MGST1: variants seen among roughly 807,000 people sequenced by gnomAD.
MGST1 encodes the protein glutathione S-transferase 12.
In MGST1, 5 loss-of-function variants were observed where a neutral mutation model predicts 8.9. The ratio of observed to expected loss-of-function variants is 0.56; its 90% confidence interval spans 0.29 to 1.19. The LOEUF (loss-of-function observed/expected upper bound fraction) is 1.19. Among genes scored for constraint, MGST1 ranks in the 50% most tolerant of loss-of-function variants. The probability of loss-of-function intolerance (pLI) is 0.08; values close to 1 mark genes in which losing one functional copy is unlikely to be tolerated. For missense variants in MGST1, 182 were observed against 187.4 expected, an observed-to-expected ratio of 0.97 and a Z score of 0.17; for synonymous variants, 54 against 67.8, an observed-to-expected ratio of 0.80 and a Z score of 1.00.
Position 16,401,201 on chromosome 12 carries a change from G to C in MGST1, n.778+17597G>C. On this transcript the variant is annotated intron_variant and non_coding_transcript_variant, in intron 1 of 1. Transcript: ENST00000359720. The surrounding 1 kb of genome is among the most constrained non-coding windows in gnomAD (Gnocchi z 4.3). The stretch of plus-strand genomic sequence containing the variant: ...GTAGCTGGGCCATCCTCATCCATAA[G>C]CACTGTGTCACTAAGGAACAGGGCA... 2 of 1,558,460 alleles carry C rather than the reference G, an allele frequency of 1.3e-6. No homozygotes were observed. Among genetic ancestry groups the C allele is most frequent in the African/African-American group, 2.7e-5 (2 of 73,818 alleles).
chr12:16,395,605 G>T (rs1940596848), intron 1 of MGST1, among the ~76,000 whole-genome samples: 1 of 149,852 alleles, frequency 6.7e-6, no homozygotes, highest in Non-Finnish European at 1.5e-5. Context: ...AAAGTCCATT[G>T]TATCATTTTT....
chr12:16,418,349 T>C (rs1940803964), intron 1 of MGST1, among the ~76,000 whole-genome samples: 1 of 152,114 alleles, frequency 6.6e-6, no homozygotes, highest in Non-Finnish European at 1.5e-5. Flanking sequence ...CCTCCAGGGA[T>C]TAGAGAAAAA....
chr12:16,510,935 C>T (rs1303088867), intron 4 of MGST1, among the ~76,000 whole-genome samples: 2 of 151,998 alleles, frequency 1.3e-5, no homozygotes, highest in Non-Finnish European at 2.9e-5. Context: ...AGAATGCTGA[C>T]ATAAGAAAAA....
chr12:16,493,093 G>T (rs929179404), intron 4 of MGST1, among the ~76,000 whole-genome samples: 1 of 152,170 alleles, frequency 6.6e-6, no homozygotes, highest in African/African-American at 2.4e-5. Context: ...GGGCAAGATT[G>T]TCTTTGAGAT....
intron 4 of MGST1, chr12:16,551,103 C>T (rs1941972583): frequency 1.5e-6 from 1 of 665,234 alleles, no homozygotes; most frequent in Non-Finnish European, 2.7e-6. Flanking sequence ...ATATAACCAT[C>T]CTGCCTTCCT....
intron 1 of MGST1, among the ~76,000 whole-genome samples, chr12:16,397,778 C>CTTTT (rs55755629): frequency 0.056 from 8,024 of 143,194 alleles, 319 homozygotes; most frequent in Non-Finnish European, 0.082. Context: ...TCAATAGTAT[C>CTTTT]TTTTTTTTTT....
downstream of MGST1, among the ~76,000 whole-genome samples, chr12:16,369,074 T>A (rs1354728020): frequency 6.6e-6 from 1 of 152,064 alleles, no homozygotes; most frequent in East Asian, 1.9e-4. This position sits in a 1 kb window ranked among gnomAD's most constrained non-coding sequence, Gnocchi z 4.8. Flanking sequence ...TATATCTTTA[T>A]AGAAGCAAAA....
At chr12:16,437,914 T>A (rs1941002556) in exon 2 of MGST1, 1 of 151,948 alleles carries the variant, frequency 6.6e-6, no homozygotes, top group Non-Finnish European at 1.5e-5. Flanking sequence ...TATTCCTGGG[T>A]ATCTTTCCTC....
Position 16,410,475 on chromosome 12 carries a change from C to T in MGST1, n.778+26871C>T, listed in dbSNP as rs570651052. ...AATATGATGCACTCAGTTCTATAGA[C>T]GCTAGTCAGATTTGTAAAAGCATAT... On this transcript the variant is annotated intron_variant and non_coding_transcript_variant, in intron 1 of 1. Coordinates refer to the MGST1 transcript ENST00000359720. The surrounding 1 kb of genome is among the most constrained non-coding windows in gnomAD (Gnocchi z 4.4). Among the ~76,000 whole-genome samples the T allele has an allele frequency of 5.9e-5, 9 of 151,760 alleles. No homozygotes were observed. The highest frequency in any genetic ancestry group is 3.9e-4 in the East Asian group (2 of 5,176).
At chr12:16,583,435 A>G (rs1943227995) in intron 4 of MGST1, among the ~76,000 whole-genome samples, 1 of 152,206 alleles carries the variant, frequency 6.6e-6, no homozygotes, top group Non-Finnish European at 1.5e-5. Context: ...AAGTAATTGT[A>G]GAAAAGAAGA....
intron 1 of MGST1, among the ~76,000 whole-genome samples, chr12:16,420,891 T>C (rs1175410384): frequency 2.6e-5 from 4 of 152,278 alleles, no homozygotes; most frequent in African/African-American, 9.6e-5. Context: ...TCATGATAAA[T>C]TCTGGGAACA....
chr12:16,562,603 A>C (rs1407740787), intron 4 of MGST1, among the ~76,000 whole-genome samples: 5 of 152,212 alleles, frequency 3.3e-5, no homozygotes, highest in Non-Finnish European at 7.3e-5. Context: ...TACATTAACC[A>C]CTGGGACCTG....
intron 1 of MGST1, among the ~76,000 whole-genome samples, chr12:16,390,850 T>C (rs1000937381): frequency 1.2e-4 from 18 of 152,258 alleles, no homozygotes; most frequent in East Asian, 3.9e-4. Context: ...GGTCAAATGG[T>C]ATTTCTGTTT....
At chr12:16,352,790 T>TA (rs1447945319) in intron 1 of MGST1, among the ~76,000 whole-genome samples, 1 of 152,294 alleles carries the variant, frequency 6.6e-6, no homozygotes, top group African/African-American at 2.4e-5. Flanking sequence ...CCTTCCCTAT[T>TA]ACACCCATGA....
Position 16,395,811 on chromosome 12 carries a change from A to ATATATATATATATG in MGST1, n.778+12207_778+12208insTATATATATATATG, listed in dbSNP as rs1247749625. Reference sequence around the variant, plus strand: ...TATATATATATATATATATACACACACACACACACACACACCACAATTTCT... The same window carrying ATATATATATATATG: ...TATATATATATATATATATACACACATATATATATATATGCACACACACACACACCACAATTTCT... On this transcript the variant is annotated intron_variant and non_coding_transcript_variant, in intron 1 of 1. Transcript: ENST00000359720. 1.2e-3 allele frequency among the ~76,000 whole-genome samples: 168 copies of ATATATATATATATG among 141,428 alleles called. 4 individuals are homozygous for ATATATATATATATG. The highest frequency in any genetic ancestry group is 4.8e-3 in the African/African-American group (161 of 33,268). 92.8% of individuals were successfully genotyped at this position (141,428 alleles called of 152,430 possible). A position where few individuals can be genotyped will look rare whatever the true frequency, so the allele number is the denominator to read the frequency against.
chr12:16,473,243 A>G (rs1565461020), intron 4 of MGST1, among the ~76,000 whole-genome samples: 2 of 152,180 alleles, frequency 1.3e-5, no homozygotes, highest in African/African-American at 4.8e-5. Context: ...TCTATTGTCA[A>G]CACTGTGGGG....
chr12:16,427,800 A>T (rs1262955525), intron 1 of MGST1, among the ~76,000 whole-genome samples: 2 of 152,288 alleles, frequency 1.3e-5, no homozygotes, highest in South Asian at 2.1e-4. Flanking sequence ...TTTACATTTT[A>T]AAAAACTTAT....
intron 1 of MGST1, among the ~76,000 whole-genome samples, chr12:16,405,827 A>G (rs536057726): frequency 6.6e-6 from 1 of 152,340 alleles, no homozygotes; most frequent in South Asian, 2.1e-4. Context: ...GATCGTCTAA[A>G]TAGACATAGA....
At chr12:16,542,574 T>C (rs2137214451) in intron 4 of MGST1, among the ~76,000 whole-genome samples, 1 of 152,340 alleles carries the variant, frequency 6.6e-6, no homozygotes, top group African/African-American at 2.4e-5. Context: ...TCATTGTTCC[T>C]TTCACGTTCA....
Sources: gnomAD v4.1 joint callset for allele counts (sites outside exome capture counted in the v4.1 genomes callset) on GRCh38, gnomAD v4.1.1 for gene constraint, Gnocchi (gnomAD v3.1) non-coding constraint, MANE v1.5 for transcripts, NCBI Gene and HGNC (gene_info 2026-07-23, HGNC 2026-07-21) for gene names.